The following NTSR1 variants were observed in gnomAD, a reference collection of about 807,000 sequenced individuals.
NTSR1 encodes the protein neurotensin receptor 1.
In NTSR1, 29 loss-of-function variants were observed where a neutral mutation model predicts 31.2. The observed-to-expected ratio is 0.93, with a 90% CI of 0.69 to 1.27. The LOEUF (loss-of-function observed/expected upper bound fraction) is 1.27, where lower values mean the gene tolerates loss of function less well. Among genes scored for constraint, NTSR1 ranks in the 50% most tolerant of loss-of-function variants. The probability of loss-of-function intolerance (pLI) is 0.00; values close to 1 mark genes in which losing one functional copy is unlikely to be tolerated. For missense variants in NTSR1, 697 were observed against 595.4 expected, an observed-to-expected ratio of 1.17 and a Z score of -1.78; for synonymous variants, 282 against 269.9, an observed-to-expected ratio of 1.04 and a Z score of -0.44.
Position 62,744,134 on chromosome 20 carries a change from C to T in NTSR1, c.715-10551C>T, listed in dbSNP as rs1414021588. Among the ~76,000 whole-genome samples the T allele has an allele frequency of 3.3e-5, 5 of 152,210 alleles. No individual in the cohort carries two copies. The highest frequency in any genetic ancestry group is 2.6e-4 in the Admixed American group (4 of 15,276). ...CCAGCCCCACCAGCCGTCGCCCCAG[C>T]GTGTCCCATCCCAGCCTCCCAAGCC... On this transcript the variant is annotated intron_variant, in intron 1 of 3. Coordinates refer to ENST00000370501, the MANE Select transcript of NTSR1 (RefSeq NM_002531.3). This position sits in a 1 kb window ranked among gnomAD's most constrained non-coding sequence, Gnocchi z 4.1.
At chr20:62,728,225 G>C (rs562408134) in intron 1 of NTSR1, among the ~76,000 whole-genome samples, 14 of 152,314 alleles carry the variant, frequency 9.2e-5, no homozygotes, top group African/African-American at 3.4e-4. Flanking sequence ...CCCAGCATCC[G>C]AGCCTTGATC....
At chr20:62,730,838 G>A (rs548311907) in intron 1 of NTSR1, among the ~76,000 whole-genome samples, 47 of 152,334 alleles carry the variant, frequency 3.1e-4, no homozygotes, top group African/African-American at 1.1e-3. Context: ...GACATATGAT[G>A]TGGAGCATTT....
chr20:62,724,722 C>T (rs1357700402), intron 1 of NTSR1, among the ~76,000 whole-genome samples: 1 of 152,198 alleles, frequency 6.6e-6, no homozygotes, highest in African/African-American at 2.4e-5. Flanking sequence ...AGAAATGTGT[C>T]CTCCGTGGCT....
At chr20:62,717,965 A>G (rs897624700) in intron 1 of NTSR1, among the ~76,000 whole-genome samples, 1 of 152,082 alleles carries the variant, frequency 6.6e-6, no homozygotes, top group Non-Finnish European at 1.5e-5. Flanking sequence ...CAGGTCAGGA[A>G]GGCCTCGTGC....
chr20:62,736,767 T>A (rs1411970503), intron 1 of NTSR1, among the ~76,000 whole-genome samples: 19 of 152,246 alleles, frequency 1.2e-4, no homozygotes, highest in Non-Finnish European at 2.8e-4. Context: ...CGTGATGTGT[T>A]TGGCTGTGTC....
Position 62,733,379 on chromosome 20 carries a change from C to T in NTSR1, c.715-21306C>T, listed in dbSNP as rs972776189. Among the ~76,000 whole-genome samples the T allele has an allele frequency of 3.3e-5, 5 of 152,270 alleles. No individual in the cohort carries two copies. The East Asian group carries it at 7.7e-4, about 24-fold the overall frequency. On this transcript the variant is annotated intron_variant, in intron 1 of 3. Transcript: ENST00000370501. This position sits in a 1 kb window ranked among gnomAD's most constrained non-coding sequence, Gnocchi z 5.2. ...GGTTGAAGCTTGCTGCGCTCCTTTC[C>T]GGGAGCAAATGAGCATCTCTCGGGA... is the stretch of plus-strand genomic sequence containing the variant.
Position 62,758,763 on chromosome 20 carries a change from G to A in NTSR1, c.1007+407G>A, listed in dbSNP as rs1379723573. ...GTTATACTCAGGGCTGTGACTTATC[G>A]CAGCAAGAGCACCAATACTGACAAA... is the stretch of plus-strand genomic sequence containing the variant. On this transcript the variant is annotated intron_variant, in intron 3 of 3. Transcript: ENST00000370501. The surrounding 1 kb of genome is among the most constrained non-coding windows in gnomAD (Gnocchi z 4.5). Among the ~76,000 whole-genome samples the A allele has an allele frequency of 2.0e-5, 3 of 152,138 alleles. No individual in the cohort carries two copies. The highest frequency in any genetic ancestry group is 2.9e-5 in the Non-Finnish European group (2 of 68,018).
At chr20:62,738,419 C>T (rs749488293) in intron 1 of NTSR1, among the ~76,000 whole-genome samples, 12 of 152,242 alleles carry the variant, frequency 7.9e-5, no homozygotes, top group South Asian at 2.1e-4. Flanking sequence ...AGTAATAGCC[C>T]GAGCCATGGG....
chr20:62,712,588 G>A (rs2147130980), intron 1 of NTSR1, among the ~76,000 whole-genome samples: 1 of 152,340 alleles, frequency 6.6e-6, no homozygotes, highest in South Asian at 2.1e-4. Flanking sequence ...GGGCTCTCAG[G>A]TCAGCAGACA....
rs1989553827 is a variant in NTSR1 at position 62,758,418 on chromosome 20, G to A, written c.1007+62G>A. On this transcript the variant is annotated intron_variant, in intron 3 of 3. Coordinates refer to ENST00000370501, the MANE Select transcript of NTSR1 (RefSeq NM_002531.3). This position sits in a 1 kb window ranked among gnomAD's most constrained non-coding sequence, Gnocchi z 4.5. The stretch of plus-strand genomic sequence containing the variant: ...AGTAAGTGCTCCCAAAACAGATGGT[G>A]GGTGTGGCAGGCACTGCTGAGGGGA... The A allele has an allele frequency of 6.9e-7, 1 of 1,455,846 alleles. No individual in the cohort carries two copies. Among genetic ancestry groups the A allele is most frequent in the Admixed American group, 1.7e-5 (1 of 58,620 alleles). The allele number at this position is 1,455,846 out of a possible 1,614,324, so 90.2% of individuals were successfully genotyped here.
intron 1 of NTSR1, among the ~76,000 whole-genome samples, chr20:62,736,558 C>T (rs930566925): frequency 3.3e-5 from 5 of 152,190 alleles, no homozygotes; most frequent in Admixed American, 6.5e-5. Flanking sequence ...CTATGCAGGG[C>T]GGGCCCAAAC....
chr20:62,712,728 T>G (rs1600716893), intron 1 of NTSR1, among the ~76,000 whole-genome samples: 1 of 152,182 alleles, frequency 6.6e-6, no homozygotes, highest in Non-Finnish European at 1.5e-5. Flanking sequence ...GTCCTACCCA[T>G]CCTCTAACCC....
In NTSR1 at chr20:62,754,906, T is replaced by G; in HGVS notation, c.916+20T>G. ...TCCTACGTACGTAACCTCTGGGCCC[T>G]CCAGGGGCGGGAGGCAGGCCAGGGC... is the stretch of plus-strand genomic sequence containing the variant. On this transcript the variant is annotated intron_variant, in intron 2 of 3. Coordinates refer to ENST00000370501, the MANE Select transcript of NTSR1 (RefSeq NM_002531.3). The G allele has an allele frequency of 6.4e-7, 1 of 1,567,888 alleles. No homozygotes were observed.
chr20:62,728,104 G>GTCA, intron 1 of NTSR1, among the ~76,000 whole-genome samples: 1 of 94,728 alleles, frequency 1.1e-5, no homozygotes, highest in Non-Finnish European at 2.6e-5. Flanking sequence ...ACAAGGACGA[G>GTCA]CCTTGTGGAT....
At chr20:62,727,396 G>A (rs1161767418) in intron 1 of NTSR1, among the ~76,000 whole-genome samples, 2 of 152,220 alleles carry the variant, frequency 1.3e-5, no homozygotes, top group Non-Finnish European at 2.9e-5. Flanking sequence ...CTGGAGTGAG[G>A]AGTGAACACT....
chr20:62,719,217 A>AT (rs1464278740), intron 1 of NTSR1, among the ~76,000 whole-genome samples: 5 of 150,762 alleles, frequency 3.3e-5, no homozygotes, highest in African/African-American at 4.9e-5. Context: ...GTGCTGAGAG[A>AT]TTTTTTTCTT....
intron 2 of NTSR1, among the ~76,000 whole-genome samples, chr20:62,757,766 G>A (rs545226228): frequency 1.3e-5 from 2 of 152,000 alleles, no homozygotes; most frequent in Non-Finnish European, 2.9e-5. Flanking sequence ...CTCTGAGCCA[G>A]TGTCTACCTC....
intron 1 of NTSR1, among the ~76,000 whole-genome samples, chr20:62,752,399 G>A (rs139474496): frequency 2.0e-3 from 310 of 151,814 alleles, no homozygotes; most frequent in African/African-American, 7.2e-3. Context: ...AGGAGTCGGG[G>A]TGCATTCCCC....
At chr20:62,729,973 C>CGTTGAG (rs1337438872) in intron 1 of NTSR1, among the ~76,000 whole-genome samples, 5 of 152,118 alleles carry the variant, frequency 3.3e-5, no homozygotes, top group Non-Finnish European at 7.4e-5. Flanking sequence ...TGTAGAGAAG[C>CGTTGAG]GTTGAGCCCA....
Sources: allele counts gnomAD v4.1 joint callset (sites outside exome capture counted in the v4.1 genomes callset), GRCh38; gene constraint gnomAD v4.1.1; non-coding constraint Gnocchi (gnomAD v3.1); transcripts MANE v1.5; gene names NCBI Gene and HGNC (gene_info 2026-07-23, HGNC 2026-07-21).